Variants in UEVLD observed in about 807,000 individuals in gnomAD.
UEVLD encodes ubiquitin-conjugating enzyme E2 variant 3.
A neutral mutation model predicts 58.6 loss-of-function variants in UEVLD; 47 were observed. The observed-to-expected ratio is 0.80, with a 90% CI of 0.63 to 1.02. The LOEUF (loss-of-function observed/expected upper bound fraction) is 1.02. Among genes scored for constraint, UEVLD ranks in the 50% least tolerant of loss-of-function variants. UEVLD has a pLI of 0.00. For synonymous variants in UEVLD, 197 were observed against 195.3 expected, an observed-to-expected ratio of 1.01 and a Z score of -0.07; for missense variants, 510 against 550.6, an observed-to-expected ratio of 0.93 and a Z score of 0.74.
chr11:18,585,327 C>T (rs1022585470), intron 1 of UEVLD, among the ~76,000 whole-genome samples: 1 of 152,150 alleles, frequency 6.6e-6, no homozygotes, highest in Non-Finnish European at 1.5e-5. Flanking sequence ...TTAAAGTTGT[C>T]TTTTACATTT....
intron 7 of UEVLD, among the ~76,000 whole-genome samples, chr11:18,551,674 C>T (rs1207703381): frequency 1.3e-5 from 2 of 152,096 alleles, no homozygotes; most frequent in East Asian, 3.9e-4. Flanking sequence ...TGCTAAGTTT[C>T]CTCCCATGCC....
At chr11:18,537,812 G>A (rs1327083419) in intron 9 of UEVLD, among the ~76,000 whole-genome samples, 1 of 151,948 alleles carries the variant, frequency 6.6e-6, no homozygotes, top group Non-Finnish European at 1.5e-5. Flanking sequence ...ACAGGTGCCT[G>A]CCACCACACC....
intron 1 of UEVLD, among the ~76,000 whole-genome samples, chr11:18,583,822 C>T (rs1046486383): frequency 5.3e-5 from 8 of 151,796 alleles, no homozygotes; most frequent in Non-Finnish European, 8.8e-5. Flanking sequence ...CCACCACACC[C>T]GGGTAATTTT....
At chr11:18,548,577 G>A (rs1375719081) in intron 7 of UEVLD, among the ~76,000 whole-genome samples, 1 of 152,132 alleles carries the variant, frequency 6.6e-6, no homozygotes. Flanking sequence ...ACAGGCATAT[G>A]CCACCACACC....
chr11:18,558,324 C>A lies in UEVLD; in HGVS notation c.619G>T (p.Ala207Ser), dbSNP rs1392698619. Residue 207 changes from alanine (A) to serine (S), a missense_variant, in exon 7 of 12, where the codon GCA (alanine) becomes TCA (serine). By Grantham distance (99) the Ala-to-Ser change is moderately conservative (BLOSUM62 1). Transcript: ENST00000396197. Reference protein sequence around the residue: ...CTLAISAKGIADRLVLLDLSE... With the variant: ...CTLAISAKGISDRLVLLDLSE... ...AGGTCTAAGAGGACAAGCCTGTCTG[C>A]AATACCCTGTACAGTAAGAGAAAGA... is the stretch of plus-strand genomic sequence containing the variant. 3 of 1,608,008 alleles carry A rather than the reference C, an allele frequency of 1.9e-6. No homozygotes were observed. Among genetic ancestry groups the A allele is most frequent in the Non-Finnish European group, 1.7e-6 (2 of 1,176,432 alleles).
intron 6 of UEVLD, among the ~76,000 whole-genome samples, chr11:18,558,937 C>T (rs1014654412): frequency 4.6e-5 from 7 of 151,746 alleles, no homozygotes; most frequent in African/African-American, 1.7e-4. Flanking sequence ...TGCAATGGTA[C>T]AATCTCGGCT....
intron 9 of UEVLD, among the ~76,000 whole-genome samples, chr11:18,539,411 T>C (rs775983080): frequency 2.6e-5 from 4 of 152,152 alleles, no homozygotes; most frequent in African/African-American, 4.8e-5. Flanking sequence ...TGAACTGTTA[T>C]ATGAAAAATA....
intron 2 of UEVLD, among the ~76,000 whole-genome samples, chr11:18,576,828 A>C (rs1355661827): frequency 6.6e-6 from 1 of 152,032 alleles, no homozygotes; most frequent in East Asian, 1.9e-4. Context: ...GCTTCCCCCC[A>C]CCCACCAAGC....
At position 18,544,795 on chromosome 11, in the gene UEVLD, C is replaced by T. The variant is rs139127286; in HGVS notation, c.888G>A (p.Val296=). 1.3e-6 allele frequency: 2 copies of T among 1,522,126 alleles called. No homozygotes were observed. The highest frequency in any genetic ancestry group is 2.9e-5 in the African/African-American group (2 of 68,906). The allele number at this position is 1,522,126 out of a possible 1,614,324, so 94.3% of individuals were successfully genotyped here. ...HSVLLVASQP[V]EIMTYVTWKL... The stretch of plus-strand genomic sequence containing the variant: ...TCCATGTTACATAGGTCATGATTTC[C>T]ACTAAATATTGCATACAAGGTAAAA... The change falls in exon 9 of 12, where the codon GTG becomes GTA. Residue 296 remains valine, a splice_region_variant and synonymous_variant. Coordinates refer to ENST00000396197, the MANE Select transcript of UEVLD (RefSeq NM_001040697.4).
At chr11:18,559,185 T>C (rs906938514) in intron 6 of UEVLD, among the ~76,000 whole-genome samples, 1 of 150,168 alleles carries the variant, frequency 6.7e-6, no homozygotes, top group African/African-American at 2.5e-5. Context: ...TGCAGGTTTC[T>C]TTTTCTTTTC....
intron 1 of UEVLD, 58 bp from the exon 2 acceptor site, chr11:18,578,866 G>A (rs1853080986): frequency 1.5e-6 from 2 of 1,315,066 alleles, no homozygotes; most frequent in Admixed American, 4.6e-5. Context: ...AAGAACAATT[G>A]CAGTTAACTT....
intron 3 of UEVLD, among the ~76,000 whole-genome samples, chr11:18,571,014 G>C (rs1852581685): frequency 6.6e-6 from 1 of 151,500 alleles, no homozygotes; most frequent in Non-Finnish European, 1.5e-5. Flanking sequence ...TCCTGATGGA[G>C]TCACTTCCTA....
chr11:18,573,915 C>G (rs976692108), intron 3 of UEVLD, among the ~76,000 whole-genome samples: 6 of 152,250 alleles, frequency 3.9e-5, no homozygotes, highest in African/African-American at 1.4e-4. Context: ...TTTAAGAGAT[C>G]AAAGTTACGC....
chr11:18,544,517 A>T, intron 9 of UEVLD, 106 bp downstream of exon 9: 1 of 1,216,864 alleles, frequency 8.2e-7, no homozygotes, highest in Non-Finnish European at 1.1e-6. Flanking sequence ...TATGTTGCCC[A>T]GGCTGGTCTT....
At chr11:18,548,152 G>A (rs183715125) in intron 7 of UEVLD, among the ~76,000 whole-genome samples, 63 of 152,280 alleles carry the variant, frequency 4.1e-4, no homozygotes, top group African/African-American at 1.5e-3. Flanking sequence ...CTTAGGAAAA[G>A]CTAGTCTATG....
rs1197149978 is a variant in UEVLD at position 18,532,281 on chromosome 11, T to C, written c.*39A>G. The C allele has an allele frequency of 3.9e-6, 6 of 1,551,438 alleles. No individual in the cohort carries two copies. Among genetic ancestry groups the C allele is most frequent in the Admixed American group, 2.1e-5 (1 of 48,600 alleles). ...TAGGTAAAATTAAATGACTTTTCCC[T>C]TTAGGTAGAAGTCCAGCCTCTCAAA... On this transcript the variant is annotated 3_prime_UTR_variant, in exon 12 of 12. Coordinates refer to ENST00000396197, the MANE Select transcript of UEVLD (RefSeq NM_001040697.4).
intron 7 of UEVLD, among the ~76,000 whole-genome samples, chr11:18,552,877 T>C (rs372385667): frequency 6.6e-6 from 1 of 151,016 alleles, no homozygotes; most frequent in African/African-American, 2.4e-5. Flanking sequence ...AAAATTAGGC[T>C]GGGCGTGGTG....
intron 7 of UEVLD, among the ~76,000 whole-genome samples, chr11:18,549,967 G>GC (rs1191278252): frequency 6.6e-6 from 1 of 151,516 alleles, no homozygotes; most frequent in East Asian, 2.0e-4. Flanking sequence ...GATTACAGGT[G>GC]CCCACCACCA....
At chr11:18,565,063 T>C (rs986722079) in intron 5 of UEVLD, 53 bp from the exon 6 acceptor site, 2 of 1,378,092 alleles carry the variant, frequency 1.5e-6, no homozygotes, top group Non-Finnish European at 2.0e-6. Flanking sequence ...AGAATTTTTT[T>C]AGGATCTTTA....
Sources: gnomAD v4.1 joint callset for allele counts (sites outside exome capture counted in the v4.1 genomes callset) on GRCh38, gnomAD v4.1.1 for gene constraint, MANE v1.5 for transcripts, NCBI Gene and HGNC (gene_info 2026-07-23, HGNC 2026-07-21) for gene names.